The following CNTNAP2 variants were observed in gnomAD, a reference collection of about 807,000 sequenced individuals.
CNTNAP2 encodes the protein contactin associated protein 2, also known as contactin-associated protein-like 2.
A neutral mutation model predicts 155.2 loss-of-function variants in CNTNAP2; 98 were observed. The ratio of observed to expected loss-of-function variants is 0.63; its 90% CI spans 0.54 to 0.75. The LOEUF is 0.75. CNTNAP2 is among the 30% of genes least tolerant of loss of function. The probability of loss-of-function intolerance (pLI) is 0.00; values close to 1 mark genes in which losing one functional copy is unlikely to be tolerated. For missense variants in CNTNAP2, 1,727 were observed against 1,688.1 expected (o/e 1.02, Z -0.40); for synonymous variants, 651 against 631.2 (o/e 1.03, Z -0.47).
At chr7:148,263,439 A>G (rs1796597972) in intron 20 of CNTNAP2, among the ~76,000 whole-genome samples, 1 of 152,048 alleles carries the variant, frequency 6.6e-6, no homozygotes. Flanking sequence ...TGTGTTTCAA[A>G]ACAAAATATA....
intron 13 of CNTNAP2, among the ~76,000 whole-genome samples, chr7:147,667,795 CAA>C (rs549630597): frequency 1.3e-3 from 165 of 129,594 alleles, no homozygotes; most frequent in African/African-American, 3.4e-3. Context: ...GCTGCTGCTG[CAA>C]AAAAAAAAAA....
intron 8 of CNTNAP2, among the ~76,000 whole-genome samples, chr7:147,242,986 C>CTTTTTTTT (rs1563130639): frequency 1.2e-4 from 5 of 42,156 alleles, no homozygotes; most frequent in African/African-American, 4.1e-4. Flanking sequence ...CTATGCTTTG[C>CTTTTTTTT]ATTTTTTTTT....
chr7:147,360,488 A>T (rs1796130169), intron 9 of CNTNAP2, among the ~76,000 whole-genome samples: 1 of 152,204 alleles, frequency 6.6e-6, no homozygotes, highest in African/African-American at 2.4e-5. Flanking sequence ...TTCAATATTT[A>T]TTGTGCATCT....
chr7:147,373,764 G>A (rs1796388438), intron 9 of CNTNAP2, among the ~76,000 whole-genome samples: 1 of 151,820 alleles, frequency 6.6e-6, no homozygotes, highest in Admixed American at 6.6e-5. Context: ...TATTATACTT[G>A]AGTTCTGTTT....
intron 3 of CNTNAP2, among the ~76,000 whole-genome samples, chr7:146,912,669 T>A (rs11766296): frequency 1.4e-3 from 218 of 152,274 alleles, no homozygotes; most frequent in Non-Finnish European, 2.6e-3. Flanking sequence ...AGTGATAAAA[T>A]GTATATTCAC....
At chr7:146,316,019 T>G (rs913682293) in intron 1 of CNTNAP2, among the ~76,000 whole-genome samples, 1 of 152,202 alleles carries the variant, frequency 6.6e-6, no homozygotes, top group East Asian at 1.9e-4. Context: ...TCAAGTAAAC[T>G]ATACACAGAA....
chr7:148,277,486 C>A (rs1434764245), intron 21 of CNTNAP2, among the ~76,000 whole-genome samples: 2 of 152,124 alleles, frequency 1.3e-5, no homozygotes, highest in Non-Finnish European at 2.9e-5. Context: ...AGGCTTCATG[C>A]TGCACGAGAA....
At chr7:146,122,976 T>A (rs55659530) in intron 1 of CNTNAP2, among the ~76,000 whole-genome samples, 5,707 of 152,314 alleles carry the variant, frequency 0.037, 142 homozygotes, top group Non-Finnish European at 0.06. Context: ...TTGTAAGTTT[T>A]GAAAAATATC....
intron 10 of CNTNAP2, among the ~76,000 whole-genome samples, chr7:147,432,873 TTCCTTC>T (rs1797488147): frequency 6.6e-6 from 1 of 152,200 alleles, no homozygotes; most frequent in Non-Finnish European, 1.5e-5. Flanking sequence ...CTGTGCTGCT[TTCCTTC>T]ACTGGCACTT....
At chr7:148,314,233 G>A (rs1206083100) in intron 21 of CNTNAP2, among the ~76,000 whole-genome samples, 1 of 152,122 alleles carries the variant, frequency 6.6e-6, no homozygotes, top group East Asian at 1.9e-4. Context: ...GAAGATTTGG[G>A]ACAAGTTGCA....
chr7:147,409,446 CTT>C (rs1207668213), intron 10 of CNTNAP2, among the ~76,000 whole-genome samples: 1 of 152,166 alleles, frequency 6.6e-6, no homozygotes, highest in Admixed American at 6.5e-5. Flanking sequence ...ACTATAAACA[CTT>C]TGCAATACAA....
intron 14 of CNTNAP2, among the ~76,000 whole-genome samples, chr7:147,931,615 T>A (rs1370434964): frequency 1.3e-5 from 2 of 152,144 alleles, no homozygotes; most frequent in Non-Finnish European, 1.5e-5. Context: ...GGAAGAAGGA[T>A]GTTTCAACAT....
At chr7:148,367,103 T>A (rs1401223440) in intron 21 of CNTNAP2, among the ~76,000 whole-genome samples, 1 of 151,966 alleles carries the variant, frequency 6.6e-6, no homozygotes, top group Non-Finnish European at 1.5e-5. Flanking sequence ...CGGTGGTGCA[T>A]GCCTGTAGTC....
At chr7:146,273,380 G>A (rs2129083696) in intron 1 of CNTNAP2, among the ~76,000 whole-genome samples, 1 of 152,212 alleles carries the variant, frequency 6.6e-6, no homozygotes, top group East Asian at 1.9e-4. Flanking sequence ...AACAGGAGTT[G>A]ATGATCTTTA....
rs1172046655 is a variant in CNTNAP2, at chr7:146,798,278, C to CA, written c.208+23910dup. On this transcript the variant is annotated intron_variant, in intron 2 of 23. Coordinates refer to ENST00000361727, the MANE Select transcript of CNTNAP2 (RefSeq NM_014141.6). ...AGGTGATAGAGCCAGACCCTGTCTCCAAAAAAAAAAAAAGACTTTTTTTGT... is the reference window on the plus strand; with the variant it reads ...AGGTGATAGAGCCAGACCCTGTCTCCAAAAAAAAAAAAAAGACTTTTTTTGT... 9.1e-3 allele frequency among the ~76,000 whole-genome samples: 1,125 copies of CA among 124,210 alleles called. 9 individuals are homozygous for CA. The highest frequency in any genetic ancestry group is 0.022 in the African/African-American group (755 of 34,524). The allele number at this position is 124,210 out of a possible 152,430, so 81.5% of individuals were successfully genotyped here.
intron 13 of CNTNAP2, among the ~76,000 whole-genome samples, chr7:147,802,537 G>A (rs1000200220): frequency 6.6e-6 from 1 of 152,208 alleles, no homozygotes; most frequent in East Asian, 1.9e-4. Context: ...ACCTCGGGAG[G>A]CCGAGGCTGG....
chr7:147,181,813 A>G (rs1802460990), intron 8 of CNTNAP2, among the ~76,000 whole-genome samples: 1 of 152,156 alleles, frequency 6.6e-6, no homozygotes, highest in Admixed American at 6.5e-5. Context: ...TTTTTTAATT[A>G]CTGAAGCCAT....
At chr7:147,229,053 A>G (rs926089626) in intron 8 of CNTNAP2, among the ~76,000 whole-genome samples, 4 of 87,294 alleles carry the variant, frequency 4.6e-5, no homozygotes, top group African/African-American at 1.8e-4. Flanking sequence ...ATATATATAT[A>G]TATAGAGAGA....
intron 18 of CNTNAP2, among the ~76,000 whole-genome samples, chr7:148,182,760 A>C (rs1336750766): frequency 6.6e-6 from 1 of 152,212 alleles, no homozygotes; most frequent in African/African-American, 2.4e-5. Flanking sequence ...GCTCTCTCTG[A>C]GCCATCCTTT....
Sources: gnomAD v4.1 joint callset for allele counts (sites outside exome capture counted in the v4.1 genomes callset) on GRCh38, gnomAD v4.1.1 for gene constraint, MANE v1.5 for transcripts, NCBI Gene and HGNC (gene_info 2026-07-23, HGNC 2026-07-21) for gene names.